Variants in MYT1L observed in about 807,000 individuals in gnomAD.
MYT1L encodes the protein myelin transcription factor 1 like, also known as myelin transcription factor 1-like protein.
Under a neutral mutation model 126.7 loss-of-function variants are expected in MYT1L, and 12 were observed. The ratio of observed to expected loss-of-function variants is 0.09; its 90% confidence interval spans 0.06 to 0.15. The LOEUF is 0.15. MYT1L is among the 10% of genes least tolerant of loss of function. The pLI is 1.00. For missense variants in MYT1L, 979 were observed against 1,585.2 expected (o/e 0.62, Z 6.49); for synonymous variants, 541 against 604.2 (o/e 0.90, Z 1.53).
At chr2:2,085,333 A>G (rs867745476) in intron 3 of MYT1L, among the ~76,000 whole-genome samples, 12 of 151,926 alleles carry the variant, frequency 7.9e-5, no homozygotes, top group African/African-American at 2.2e-4. Flanking sequence ...ACCTGTCCCT[A>G]TTTGGCACAA....
intron 23 of MYT1L, among the ~76,000 whole-genome samples, chr2:1,796,969 G>T (rs1572307080): frequency 6.6e-6 from 1 of 152,274 alleles, no homozygotes; most frequent in East Asian, 1.9e-4. Context: ...AGCAACTTCT[G>T]GGTGTCCCCT....
At chr2:2,063,905 T>TA in intron 3 of MYT1L, among the ~76,000 whole-genome samples, 1 of 152,276 alleles carries the variant, frequency 6.6e-6, no homozygotes, top group East Asian at 1.9e-4. Flanking sequence ...AACATATCTC[T>TA]ACAGGTCTCC....
intron 4 of MYT1L, among the ~76,000 whole-genome samples, chr2:2,039,005 G>C (rs1216595401): frequency 6.6e-6 from 1 of 152,112 alleles, no homozygotes; most frequent in Non-Finnish European, 1.5e-5. Flanking sequence ...CACCCTCTCT[G>C]CCGATGAGGC....
chr2:2,045,746 C>T (rs1008021099), intron 4 of MYT1L, among the ~76,000 whole-genome samples: 4 of 152,196 alleles, frequency 2.6e-5, no homozygotes, highest in African/African-American at 4.8e-5. Flanking sequence ...AGTGCCTTTG[C>T]TCAGCTGGTG....
intron 9 of MYT1L, among the ~76,000 whole-genome samples, chr2:1,924,308 A>C (rs12990412): frequency 2.0e-5 from 3 of 152,148 alleles, no homozygotes; most frequent in Non-Finnish European, 4.4e-5. Context: ...TTCCATGTAC[A>C]TTGCAAAATA....
At chr2:2,262,569 T>C (rs1371260340) in intron 2 of MYT1L, among the ~76,000 whole-genome samples, 2 of 151,320 alleles carry the variant, frequency 1.3e-5, no homozygotes, top group African/African-American at 4.9e-5. Flanking sequence ...GGCGGGCACC[T>C]GTGGTCCCAG....
In MYT1L at chr2:1,917,107, C is replaced by A; in HGVS notation, c.1618+98G>T. On this transcript the variant is annotated intron_variant, in intron 11 of 24. Coordinates refer to ENST00000647738, the MANE Select transcript of MYT1L (RefSeq NM_001303052.2). This position sits in a 1 kb window ranked among gnomAD's most constrained non-coding sequence, Gnocchi z 5.9. Reference sequence around the variant, plus strand: ...GGGGCCTAGTTAAATCAGGTCGCACCGAGCCGTACAATGGAGATGATGTCA... The same window carrying A: ...GGGGCCTAGTTAAATCAGGTCGCACAGAGCCGTACAATGGAGATGATGTCA... 1 of 1,416,784 alleles carries A rather than the reference C, an allele frequency of 7.1e-7. No individual in the cohort carries two copies. 87.8% of individuals were successfully genotyped at this position (1,416,784 alleles called of 1,614,324 possible). A position where few individuals can be genotyped will look rare whatever the true frequency, so the allele number is the denominator to read the frequency against.
chr2:2,204,704 C>T (rs1166696045), intron 2 of MYT1L, among the ~76,000 whole-genome samples: 4 of 151,508 alleles, frequency 2.6e-5, no homozygotes, highest in East Asian at 3.9e-4. Context: ...GTCAGTGTGG[C>T]GATTCCTCAG....
At chr2:1,958,224 A>G (rs2058669243) in intron 8 of MYT1L, among the ~76,000 whole-genome samples, 1 of 152,222 alleles carries the variant, frequency 6.6e-6, no homozygotes, top group Admixed American at 6.5e-5. Flanking sequence ...GCTACTGCAG[A>G]TGGAACCCAG....
chr2:1,882,073 C>A (rs970808042), intron 18 of MYT1L, among the ~76,000 whole-genome samples: 5 of 152,194 alleles, frequency 3.3e-5, no homozygotes, highest in Non-Finnish European at 7.3e-5. Flanking sequence ...TGGGTCTAAG[C>A]ACCCCTTCCC....
intron 2 of MYT1L, among the ~76,000 whole-genome samples, chr2:2,225,072 C>T (rs1359294827): frequency 6.6e-6 from 1 of 151,900 alleles, no homozygotes; most frequent in African/African-American, 2.4e-5. Context: ...AAGACATCCA[C>T]CTTTAGAGAT....
chr2:1,980,881 CG>C (rs1219388158), intron 5 of MYT1L, among the ~76,000 whole-genome samples: 2 of 152,022 alleles, frequency 1.3e-5, no homozygotes, highest in Non-Finnish European at 2.9e-5. Context: ...CTCAAGACGA[CG>C]GGGGAGCTAA....
intron 3 of MYT1L, among the ~76,000 whole-genome samples, chr2:2,119,744 A>G (rs995415691): frequency 2.6e-5 from 4 of 152,238 alleles, no homozygotes; most frequent in African/African-American, 7.2e-5. Context: ...ATAGTGTTAG[A>G]AATACTCAAG....
chr2:1,838,021 C>G (rs1020253177), intron 21 of MYT1L, among the ~76,000 whole-genome samples: 28 of 151,848 alleles, frequency 1.8e-4, no homozygotes, highest in African/African-American at 6.1e-4. Flanking sequence ...AAGTGATTAT[C>G]CTGCCTCAGC....
rs141932431 is a variant in MYT1L at position 2,210,200 on chromosome 2, G to A, written c.-420-37212C>T. Reference sequence around the variant, plus strand: ...TCTATAGTCTGATTATTGATCCCTTGTCAGATAGGTTGACTTTTTCCTTTG... The same window carrying A: ...TCTATAGTCTGATTATTGATCCCTTATCAGATAGGTTGACTTTTTCCTTTG... On this transcript the variant is annotated intron_variant, in intron 2 of 24. Transcript: ENST00000647738. Among the ~76,000 whole-genome samples, 758 of 152,074 alleles carry A rather than the reference G, an allele frequency of 5.0e-3. 5 individuals carry two copies. Among genetic ancestry groups the A allele is most frequent in the Middle Eastern group, 0.014 (4 of 294 alleles).
chr2:2,257,734 A>T (rs576010034), intron 2 of MYT1L, among the ~76,000 whole-genome samples: 1 of 151,766 alleles, frequency 6.6e-6, no homozygotes, highest in South Asian at 2.1e-4. Flanking sequence ...TGCTCAAGGA[A>T]ATAAAAGAGG....
chr2:1,881,398 G>C (rs1396023583), intron 18 of MYT1L, among the ~76,000 whole-genome samples: 2 of 137,982 alleles, frequency 1.4e-5, no homozygotes, highest in African/African-American at 5.8e-5. Flanking sequence ...GTGTGTGTGT[G>C]TGTCTGAAGT....
At position 1,890,177 on chromosome 2, in the gene MYT1L, C is replaced by G. The variant is rs566492000; in HGVS notation, c.2284-700G>C. On this transcript the variant is annotated intron_variant, in intron 15 of 24. Coordinates refer to ENST00000647738, the MANE Select transcript of MYT1L (RefSeq NM_001303052.2). ...CTCCACCTCCCAGGTTCAAGCAATTCTCCTGTCTCAGCTTCCCAAGTAGCT... is the reference window on the plus strand; with the variant it reads ...CTCCACCTCCCAGGTTCAAGCAATTGTCCTGTCTCAGCTTCCCAAGTAGCT... Among the ~76,000 whole-genome samples, 6 of 151,896 alleles carry G rather than the reference C, an allele frequency of 4.0e-5. No homozygotes were observed. The South Asian group carries it at 8.3e-4, about 21-fold the overall frequency.
intron 3 of MYT1L, among the ~76,000 whole-genome samples, chr2:2,132,653 G>A (rs112681288): frequency 0.016 from 2,421 of 152,174 alleles, 65 homozygotes; most frequent in African/African-American, 0.051. Context: ...TGATGGGTTG[G>A]TAAGTGCAGC....
Sources: allele counts gnomAD v4.1 joint callset (sites outside exome capture counted in the v4.1 genomes callset), GRCh38; gene constraint gnomAD v4.1.1; non-coding constraint Gnocchi (gnomAD v3.1); transcripts MANE v1.5; gene names NCBI Gene and HGNC (gene_info 2026-07-23, HGNC 2026-07-21).